SFXN5: variants seen among roughly 807,000 people sequenced by gnomAD.
SFXN5 encodes the protein sideroflexin-5.
SFXN5 carries 43 observed loss-of-function variants against 50.2 expected under a neutral mutation model. The observed-to-expected ratio is 0.86, with a 90% confidence interval of 0.67 to 1.11. The LOEUF (loss-of-function observed/expected upper bound fraction) is 1.11, where lower values mean the gene tolerates loss of function less well. SFXN5 is among the 50% of genes least tolerant of loss of function. SFXN5 has a pLI of 0.00. For synonymous variants in SFXN5, 203 were observed against 185.8 expected, an observed-to-expected ratio of 1.09 and a Z score of -0.75; for missense variants, 463 against 454.1, an observed-to-expected ratio of 1.02 and a Z score of -0.18.
chr2:73,022,865 G>C (rs1312387179), intron 4 of SFXN5, among the ~76,000 whole-genome samples: 1 of 152,194 alleles, frequency 6.6e-6, no homozygotes, highest in African/African-American at 2.4e-5. Context: ...AAAGTCCATG[G>C]GGAACGGGAT....
intron 10 of SFXN5, among the ~76,000 whole-genome samples, chr2:72,984,410 C>T (rs1482881373): frequency 6.6e-6 from 1 of 152,254 alleles, no homozygotes; most frequent in Non-Finnish European, 1.5e-5. Context: ...ACAGGGAGGA[C>T]ACCGCGTAGC....
intron 6 of SFXN5, among the ~76,000 whole-genome samples, chr2:73,017,166 GA>G (rs1397369094): frequency 4.6e-5 from 7 of 150,888 alleles, no homozygotes; most frequent in African/African-American, 1.7e-4. Context: ...TTTTATATAA[GA>G]AAAAAGGGGG....
chr2:73,024,210 G>T (rs1274000945), intron 3 of SFXN5, among the ~76,000 whole-genome samples: 2 of 151,948 alleles, frequency 1.3e-5, no homozygotes, highest in Non-Finnish European at 2.9e-5. Context: ...TTTTAGTAGA[G>T]ACGGGGTTTC....
At chr2:73,014,076 G>A (rs528532455) in intron 6 of SFXN5, among the ~76,000 whole-genome samples, 5 of 151,914 alleles carry the variant, frequency 3.3e-5, no homozygotes, top group Admixed American at 6.5e-5. Flanking sequence ...CATAAATGTC[G>A]CCCTTGCTCA....
chr2:72,948,701 C>T (rs1243409295), intron 13 of SFXN5, among the ~76,000 whole-genome samples: 2 of 152,232 alleles, frequency 1.3e-5, no homozygotes, highest in East Asian at 1.9e-4. Context: ...CTCCCCGCCA[C>T]ACACAGGGCA....
chr2:73,016,021 A>T (rs567257855), intron 6 of SFXN5, among the ~76,000 whole-genome samples: 1 of 151,514 alleles, frequency 6.6e-6, no homozygotes, highest in African/African-American at 2.4e-5. Flanking sequence ...AAATGTATTC[A>T]TTTCTTCTAA....
intron 13 of SFXN5, among the ~76,000 whole-genome samples, chr2:72,949,013 G>A (rs1448305242): frequency 2.0e-5 from 3 of 152,164 alleles, no homozygotes; most frequent in African/African-American, 7.2e-5. Context: ...GGAGGGGTTG[G>A]GAGTTCCAAT....
At chr2:73,059,038 T>C in intron 1 of SFXN5, 2 of 1,002,490 alleles carry the variant, frequency 2.0e-6, no homozygotes, top group Non-Finnish European at 2.4e-6. Flanking sequence ...AAGGTCCAGC[T>C]CTGCCTCCAG....
intron 10 of SFXN5, among the ~76,000 whole-genome samples, chr2:72,985,381 A>C (rs2105551676): frequency 6.6e-6 from 1 of 152,184 alleles, no homozygotes; most frequent in South Asian, 2.1e-4. Context: ...GGATAAGGTG[A>C]AGAGAGGCCA....
At chr2:73,032,751 C>T (rs938672955) in intron 3 of SFXN5, among the ~76,000 whole-genome samples, 3 of 152,208 alleles carry the variant, frequency 2.0e-5, no homozygotes, top group South Asian at 2.1e-4. Flanking sequence ...TTTAAAACAA[C>T]CTCCAGAAGG....
intron 3 of SFXN5, among the ~76,000 whole-genome samples, chr2:73,024,174 C>T (rs1429923538): frequency 1.3e-5 from 2 of 151,990 alleles, no homozygotes; most frequent in Admixed American, 6.5e-5. Context: ...CAGGCGCGCA[C>T]CACCATGCCC....
chr2:72,990,191 C>T (rs1672410021), intron 9 of SFXN5, among the ~76,000 whole-genome samples: 2 of 152,234 alleles, frequency 1.3e-5, no homozygotes, highest in Admixed American at 1.3e-4. Context: ...TCCTGGCATG[C>T]CCACCCTGGG....
chr2:73,053,603 G>C (rs2106000773), intron 2 of SFXN5: 1 of 152,268 alleles, frequency 6.6e-6, no homozygotes, highest in Non-Finnish European at 1.5e-5. Flanking sequence ...ACACATACAA[G>C]GGTTGGGATC....
rs555555668 is a variant in SFXN5 at position 72,955,288 on chromosome 2, C to T, written c.945+5843G>A. 9.6e-4 allele frequency among the ~76,000 whole-genome samples: 146 copies of T among 152,322 alleles called. 1 individual carries two copies. The highest frequency in any genetic ancestry group is 1.6e-3 in the Non-Finnish European group (108 of 68,042). ...GGCTGGCTCGCTCGCCCGCCCGCCGCCCGCCCGTTCACGCAGTAATCCCGC... is the reference window on the plus strand; with the variant it reads ...GGCTGGCTCGCTCGCCCGCCCGCCGTCCGCCCGTTCACGCAGTAATCCCGC... On this transcript the variant is annotated intron_variant, in intron 13 of 13. Coordinates refer to ENST00000272433, the MANE Select transcript of SFXN5 (RefSeq NM_144579.3).
At chr2:72,983,934 T>A (rs756442792) in intron 10 of SFXN5, among the ~76,000 whole-genome samples, 2 of 152,216 alleles carry the variant, frequency 1.3e-5, no homozygotes, top group Non-Finnish European at 2.9e-5. Context: ...CCTCCTCTAC[T>A]GACCTTTAAT....
chr2:73,069,919 A>T (rs6749237), intron 1 of SFXN5, among the ~76,000 whole-genome samples: 46,715 of 152,120 alleles, frequency 0.31, 9,665 homozygotes, highest in African/African-American at 0.57. Flanking sequence ...GAAGGGCAAG[A>T]TCAGCCCCTT....
chr2:72,955,277 C>CCCG (rs1422891840), intron 13 of SFXN5, among the ~76,000 whole-genome samples: 3 of 152,120 alleles, frequency 2.0e-5, no homozygotes, highest in African/African-American at 7.2e-5. Context: ...GGCTCGCTCG[C>CCCG]CCGCCCGCCG....
intron 10 of SFXN5, among the ~76,000 whole-genome samples, chr2:72,984,394 G>A (rs1253387691): frequency 2.6e-5 from 4 of 152,264 alleles, no homozygotes; most frequent in Admixed American, 2.6e-4. Flanking sequence ...GGAACTTGGA[G>A]GCAGAACAGG....
intron 2 of SFXN5, among the ~76,000 whole-genome samples, chr2:73,046,065 CT>C (rs1315206812): frequency 1.3e-5 from 2 of 152,204 alleles, no homozygotes; most frequent in African/African-American, 4.8e-5. Context: ...TTAAGCCTGG[CT>C]ACCCTCCTCT....
Sources: gnomAD v4.1 joint callset for allele counts (sites outside exome capture counted in the v4.1 genomes callset) on GRCh38, gnomAD v4.1.1 for gene constraint, MANE v1.5 for transcripts, NCBI Gene and HGNC (gene_info 2026-07-23, HGNC 2026-07-21) for gene names.